Variants in CHD1L observed in about 807,000 individuals in gnomAD.
CHD1L encodes the protein ATP-dependent chromatin remodeler CHD1L.
In CHD1L, 118 loss-of-function variants were observed where a neutral mutation model predicts 115.9. The ratio of observed to expected loss-of-function variants is 1.02; its 90% confidence interval spans 0.88 to 1.19. The LOEUF is 1.19. Ranked by LOEUF, CHD1L falls within the 50% of genes most tolerant of loss-of-function variation. CHD1L has a pLI of 0.00. For synonymous variants in CHD1L, 411 were observed against 387.1 expected (o/e 1.06, Z -0.72); for missense variants, 1,179 against 1,065.3 (o/e 1.11, Z -1.49).
chr1:147,284,820 A>G (rs1559873455), intron 16 of CHD1L, among the ~76,000 whole-genome samples: 1 of 152,176 alleles, frequency 6.6e-6, no homozygotes, highest in African/African-American at 2.4e-5. Flanking sequence ...TGACCCTATG[A>G]CAAGAAGAGA....
At chr1:147,256,832 C>A (rs55708393) in intron 5 of CHD1L, among the ~76,000 whole-genome samples, 1 of 152,202 alleles carries the variant, frequency 6.6e-6, no homozygotes, top group South Asian at 2.1e-4. Flanking sequence ...ATAGCTGTTA[C>A]GAAAATTAAA....
intron 9 of CHD1L, 66 bp from the exon 10 acceptor site, chr1:147,268,716 A>C: frequency 1.5e-6 from 2 of 1,310,414 alleles, no homozygotes; most frequent in Non-Finnish European, 2.2e-6. Flanking sequence ...CTCTTCCTGT[A>C]GCCTAGCTAC....
chr1:147,183,454 G>T, the CHD1L span, among the ~76,000 whole-genome samples: 2 of 152,104 alleles, frequency 1.3e-5, no homozygotes, highest in Non-Finnish European at 2.9e-5. Context: ...TTAGGCACTA[G>T]GAACACACAG....
rs782715316 is a variant in CHD1L, at chr1:147,276,111, A to AAAGTTATT, written c.1394_1401dup (p.Arg468LysfsTer5). 104 of 1,614,010 alleles carry AAAGTTATT rather than the reference A, an allele frequency of 6.4e-5. No individual in the cohort carries two copies. The highest frequency in any genetic ancestry group is 3.0e-4 in the South Asian group (27 of 91,080). On this transcript the variant is annotated frameshift_variant, in exon 14 of 23. Transcript: ENST00000369258. LOFTEE classifies it high-confidence loss of function. Reference sequence around the variant, plus strand: ...TGTTTGACTTATGTCCAGGTCTGTTAAAGTTATTCGGCTGATTGGTCGAGA... The same window carrying AAAGTTATT: ...TGTTTGACTTATGTCCAGGTCTGTTAAAGTTATTAAGTTATTCGGCTGATTGGTCGAGA...
At chr1:147,182,567 G>T in the CHD1L span, among the ~76,000 whole-genome samples, 9 of 152,304 alleles carry the variant, frequency 5.9e-5, no homozygotes, top group East Asian at 1.7e-3. Flanking sequence ...ACATTGGATT[G>T]GTGAAAGTAT....
intron 13 of CHD1L, 90 bp from the exon 14 acceptor site, chr1:147,276,014 T>G: frequency 7.7e-7 from 1 of 1,305,584 alleles, no homozygotes; most frequent in Non-Finnish European, 1.1e-6. Context: ...GTATTTGGTT[T>G]TGTTTGCTTT....
the CHD1L span, among the ~76,000 whole-genome samples, chr1:147,191,194 T>C: frequency 6.6e-6 from 1 of 152,194 alleles, no homozygotes; most frequent in African/African-American, 2.4e-5. Flanking sequence ...TTTGGGTATA[T>C]ACCCAGTAAT....
the CHD1L span, chr1:147,175,239 T>C: frequency 6.6e-6 from 1 of 152,220 alleles, no homozygotes; most frequent in Non-Finnish European, 1.5e-5. Context: ...CCTGGGTATT[T>C]ATCCGAGTGA....
chr1:147,259,229 A>G (rs781911584), intron 5 of CHD1L: 1 of 152,210 alleles, frequency 6.6e-6, no homozygotes, highest in Non-Finnish European at 1.5e-5. Context: ...ATGCTACAAA[A>G]TGTGCTCTGG....
the CHD1L span, chr1:147,201,266 AG>A: frequency 7.1e-5 from 114 of 1,614,072 alleles, no homozygotes; most frequent in Middle Eastern, 1.6e-4. Flanking sequence ...TTAGGAGGGA[AG>A]ACCTTTTTAT....
At chr1:147,177,042 C>T in the CHD1L span, among the ~76,000 whole-genome samples, 1 of 151,696 alleles carries the variant, frequency 6.6e-6, no homozygotes, top group African/African-American at 2.4e-5. Flanking sequence ...CAATGACAAG[C>T]AGAAGCAAGG....
At chr1:147,275,327 T>G in intron 12 of CHD1L, 27 bp from the exon 13 acceptor site, 1 of 1,541,688 alleles carries the variant, frequency 6.5e-7, no homozygotes, top group Non-Finnish European at 9.0e-7. Flanking sequence ...GTGCTGCTGA[T>G]TACATTCCTT....
the CHD1L span, among the ~76,000 whole-genome samples, chr1:147,202,836 T>G: frequency 2.8e-4 from 43 of 152,164 alleles, no homozygotes; most frequent in Non-Finnish European, 5.1e-4. Context: ...TCCATCCATA[T>G]AGTTGCCCAA....
intron 19 of CHD1L, among the ~76,000 whole-genome samples, chr1:147,288,322 C>CATTAAAAAAA (rs1452486110): frequency 1.0e-4 from 9 of 87,914 alleles, no homozygotes; most frequent in Non-Finnish European, 1.3e-4. Flanking sequence ...GACCCTGTTT[C>CATTAAAAAAA]AATAAAAAAA....
Position 147,286,491 on chromosome 1 carries a change from C to G in CHD1L, c.2212C>G (p.His738Asp). The change falls in exon 18 of 23, where the codon CAC becomes GAC. Residue 738 changes from histidine (H) to aspartate (D), a missense_variant. Physicochemically the swap from His to Asp is moderately conservative, Grantham distance 81 (BLOSUM62 -1). Coordinates refer to ENST00000369258, the MANE Select transcript of CHD1L (RefSeq NM_004284.6). ...TGGGGCCGAGGATGCTCTCATTGTG[C>G]ACTGCGTAGGTACGAGAAGTGGTAT... ...QAGAEDALIV[H>D]CVDDSGHWGR... 1 of 1,613,582 alleles carries G rather than the reference C, an allele frequency of 6.2e-7. No homozygotes were observed. Among genetic ancestry groups the G allele is most frequent in the Non-Finnish European group, 8.5e-7 (1 of 1,179,918 alleles).
At chr1:147,184,624 G>T in the CHD1L span, 1 of 1,541,556 alleles carries the variant, frequency 6.5e-7, no homozygotes, top group African/African-American at 1.4e-5. This position sits in a 1 kb window ranked among gnomAD's most constrained non-coding sequence, Gnocchi z 4.4. Context: ...TTTTTCTCAT[G>T]GTTAGACTGC....
the CHD1L span, among the ~76,000 whole-genome samples, chr1:147,199,642 C>G: frequency 2.0e-5 from 3 of 152,086 alleles, no homozygotes; most frequent in African/African-American, 7.2e-5. Context: ...AACTGTTCTC[C>G]GCTTATGTAA....
the CHD1L span, among the ~76,000 whole-genome samples, chr1:147,194,608 G>A: frequency 5.9e-5 from 9 of 152,142 alleles, no homozygotes; most frequent in Non-Finnish European, 1.2e-4. Context: ...AGCCTTGACA[G>A]TCTTTACATT....
In CHD1L at chr1:147,295,559, C is replaced by T; in HGVS notation, c.*50C>T. 2 of 1,317,152 alleles carry T rather than the reference C, an allele frequency of 1.5e-6. No individual in the cohort carries two copies. Among genetic ancestry groups the T allele is most frequent in the East Asian group, 2.3e-5 (1 of 43,238 alleles). The allele number at this position is 1,317,152 out of a possible 1,614,324, so 81.6% of individuals were successfully genotyped here. A position where few individuals can be genotyped will look rare whatever the true frequency, so the allele number is the denominator to read the frequency against. Reference sequence around the variant, plus strand: ...TCTTTAGCAACCAGCTAATATTTACCCAGAGGTACTGCAATAGAGTATTTC... The same window carrying T: ...TCTTTAGCAACCAGCTAATATTTACTCAGAGGTACTGCAATAGAGTATTTC... On this transcript the variant is annotated 3_prime_UTR_variant, in exon 23 of 23. Transcript: ENST00000369258.
Sources: gnomAD v4.1 joint callset for allele counts (sites outside exome capture counted in the v4.1 genomes callset) on GRCh38, gnomAD v4.1.1 for gene constraint, Gnocchi (gnomAD v3.1) non-coding constraint, MANE v1.5 for transcripts, NCBI Gene and HGNC (gene_info 2026-07-23, HGNC 2026-07-21) for gene names.